Variants in COL18A1 observed in about 807,000 individuals in gnomAD.
COL18A1 encodes the protein collagen alpha-1(XVIII) chain.
COL18A1 carries 133 observed loss-of-function variants against 168.0 expected under a neutral mutation model. The ratio of observed to expected loss-of-function variants is 0.79; its 90% CI spans 0.69 to 0.91. The LOEUF (loss-of-function observed/expected upper bound fraction) is 0.91, where lower values mean the gene tolerates loss of function less well. COL18A1 is among the 40% of genes least tolerant of loss of function. The probability of loss-of-function intolerance (pLI) is 0.00; values close to 1 mark genes in which losing one functional copy is unlikely to be tolerated. For synonymous variants in COL18A1, 949 were observed against 809.0 expected, an observed-to-expected ratio of 1.17 and a Z score of -2.94; for missense variants, 2,126 against 1,925.4, an observed-to-expected ratio of 1.10 and a Z score of -1.95.
intron 22 of COL18A1, 52 bp downstream of exon 22, chr21:45,491,366 T>TCTG: frequency 9.5e-7 from 1 of 1,056,642 alleles, no homozygotes; most frequent in Non-Finnish European, 1.4e-6. Context: ...CCCCACGGGG[T>TCTG]GCAGAGATCC....
chr21:45,429,666 C>T (rs1471719257), intron 2 of COL18A1, among the ~76,000 whole-genome samples: 1 of 152,182 alleles, frequency 6.6e-6, no homozygotes, highest in East Asian at 1.9e-4. Context: ...GACGGTGGAG[C>T]TGGGAGCCTG....
rs2034885197 is a variant in COL18A1, at chr21:45,457,618, C to T, written c.107-10624C>T. Among the ~76,000 whole-genome samples the T allele has an allele frequency of 6.6e-6, 1 of 152,190 alleles. No individual in the cohort carries two copies. On this transcript the variant is annotated intron_variant, in intron 2 of 41. Transcript: ENST00000651438. The surrounding 1 kb of genome is among the most constrained non-coding windows in gnomAD (Gnocchi z 4.6). ...GGCAGGGGCAGCCCAGAAAGGACCC[C>T]AGCAGATCCCTCCTCTGTGTCCGGG...
chr21:45,453,777 A>G (rs73909560), intron 2 of COL18A1, among the ~76,000 whole-genome samples: 1 of 152,096 alleles, frequency 6.6e-6, no homozygotes, highest in Non-Finnish European at 1.5e-5. Context: ...CCATCCTCCA[A>G]GTGTGGCCCC....
rs200572747 is a variant in COL18A1, at chr21:45,452,474, CGT to C, written c.107-15761_107-15760del. ...CGTGTGACATGTGAGCATATATGTA[CGT>C]GTGTGTTTCTGTATGCATGTGTGTA... is the stretch of plus-strand genomic sequence containing the variant. On this transcript the variant is annotated intron_variant, in intron 2 of 41. Transcript: ENST00000651438. Among the ~76,000 whole-genome samples the C allele has an allele frequency of 2.8e-3, 414 of 149,956 alleles. 1 individual carries two copies. The highest frequency in any genetic ancestry group is 7.4e-3 in the African/African-American group (296 of 40,264).
chr21:45,418,427 C>T (rs1231382402), intron 2 of COL18A1, among the ~76,000 whole-genome samples: 1 of 152,130 alleles, frequency 6.6e-6, no homozygotes, highest in Non-Finnish European at 1.5e-5. Context: ...GGTGGTTTCC[C>T]TTGCTTTGTG....
In COL18A1 at chr21:45,498,946, G is replaced by C. The variant is rs553168703; in HGVS notation, c.2683+1285G>C. ...TGAGACCTGTGTATAGGTTTTGGTC[G>C]ACGTGGGATTGCTTGTCCCTGGGAG... is the stretch of plus-strand genomic sequence containing the variant. On this transcript the variant is annotated intron_variant, in intron 32 of 41. Coordinates refer to ENST00000651438, the MANE Select transcript of COL18A1 (RefSeq NM_001379500.1). The surrounding 1 kb of genome is among the most constrained non-coding windows in gnomAD (Gnocchi z 4.5). 2.6e-5 allele frequency among the ~76,000 whole-genome samples: 4 copies of C among 152,316 alleles called. No homozygotes were observed. Among genetic ancestry groups the C allele is most frequent in the Admixed American group, 6.5e-5 (1 of 15,300 alleles).
At chr21:45,436,550 G>A (rs2034102234) in intron 2 of COL18A1, among the ~76,000 whole-genome samples, 1 of 152,156 alleles carries the variant, frequency 6.6e-6, no homozygotes, top group Non-Finnish European at 1.5e-5. Context: ...TGTGCCTCAG[G>A]CCACGTGGAG....
chr21:45,503,624 T>C (rs1173293427), intron 32 of COL18A1, among the ~76,000 whole-genome samples: 3 of 107,430 alleles, frequency 2.8e-5, no homozygotes, highest in East Asian at 2.9e-4. Context: ...CATCACACTC[T>C]GGGGACTGTT....
chr21:45,448,316 G>A (rs1359430645), intron 2 of COL18A1, among the ~76,000 whole-genome samples: 1 of 152,128 alleles, frequency 6.6e-6, no homozygotes, highest in East Asian at 1.9e-4. Context: ...ACATGCACAG[G>A]TATCCATGCG....
At chr21:45,468,156 C>A in intron 2 of COL18A1, 86 bp from the exon 3 acceptor site, 1 of 1,449,376 alleles carries the variant, frequency 6.9e-7, no homozygotes, top group Admixed American at 1.7e-5. Context: ...CCTTTCTGCC[C>A]CTGCCTGGCT....
intron 15 of COL18A1, among the ~76,000 whole-genome samples, chr21:45,485,294 C>T (rs2036071982): frequency 6.6e-6 from 1 of 150,954 alleles, no homozygotes; most frequent in African/African-American, 2.4e-5. Context: ...AGCCACCACA[C>T]TCGGCCTAAA....
At chr21:45,497,869 G>A (rs2036595081) in intron 32 of COL18A1, 5 of 650,410 alleles carry the variant, frequency 7.7e-6, no homozygotes, top group Admixed American at 5.4e-5. Flanking sequence ...CAGGGCACAA[G>A]CCCAGCAAGA....
chr21:45,440,506 C>T (rs1363510340), intron 2 of COL18A1, among the ~76,000 whole-genome samples: 1 of 152,096 alleles, frequency 6.6e-6, no homozygotes, highest in Non-Finnish European at 1.5e-5. Flanking sequence ...AGCCACGTTC[C>T]CCGGAAGCAG....
At position 45,457,113 on chromosome 21, in the gene COL18A1, C is replaced by T. The variant is rs1467793175; in HGVS notation, c.107-11129C>T. The stretch of plus-strand genomic sequence containing the variant: ...AACCGCAGCCGATGTGTCCAGGTGC[C>T]ACCTGGGCCTGGAGCTCCCTGAGCA... On this transcript the variant is annotated intron_variant, in intron 2 of 41. Transcript: ENST00000651438. The surrounding 1 kb of genome is among the most constrained non-coding windows in gnomAD (Gnocchi z 4.6). Among the ~76,000 whole-genome samples the T allele has an allele frequency of 1.3e-5, 2 of 152,138 alleles. No homozygotes were observed. Among genetic ancestry groups the T allele is most frequent in the East Asian group, 3.9e-4 (2 of 5,172 alleles).
chr21:45,477,643 C>A, intron 7 of COL18A1, 107 bp from the exon 8 acceptor site: 1 of 1,308,484 alleles, frequency 7.6e-7, no homozygotes, highest in Non-Finnish European at 1.1e-6. Flanking sequence ...TGCGTGTCCA[C>A]TGTGGGAAGC....
Position 45,510,153 on chromosome 21 carries a change from C to T in COL18A1, c.3585C>T (p.Ala1195=), listed in dbSNP as rs754187633. ...TCCAGTGCTTCCAGCAGGCGCGGGC[C>T]GTGGGGCTGGCGGGCACCTTCCGCG... ...ADFQCFQQAR[A]VGLAGTFRAF... The change falls in exon 40 of 42, where the codon GCC becomes GCT. Residue 1195 remains alanine, a synonymous_variant. Transcript: ENST00000651438. 39 of 1,598,722 alleles carry T rather than the reference C, an allele frequency of 2.4e-5. No individual in the cohort carries two copies. Among genetic ancestry groups the T allele is most frequent in the Middle Eastern group, 1.7e-4 (1 of 5,994 alleles).
chr21:45,435,840 C>T (rs1465936505), intron 2 of COL18A1, among the ~76,000 whole-genome samples: 4 of 152,178 alleles, frequency 2.6e-5, no homozygotes, highest in African/African-American at 7.2e-5. Context: ...CATTCAGGAT[C>T]GTGGGTCTGT....
chr21:45,511,035 C>T (rs1164527162), intron 40 of COL18A1, 76 bp from the exon 41 acceptor site: 4 of 350,970 alleles, frequency 1.1e-5, no homozygotes, highest in East Asian at 1.6e-4. Flanking sequence ...CCCACATCCA[C>T]ACACCCCCCC....
At chr21:45,455,482 C>A in intron 2 of COL18A1, 1 of 1,606,496 alleles carries the variant, frequency 6.2e-7, no homozygotes. Context: ...GCCCCACCTC[C>A]AGGCACAGAG....
Sources: allele counts gnomAD v4.1 joint callset (sites outside exome capture counted in the v4.1 genomes callset), GRCh38; gene constraint gnomAD v4.1.1; non-coding constraint Gnocchi (gnomAD v3.1); transcripts MANE v1.5; gene names NCBI Gene and HGNC (gene_info 2026-07-23, HGNC 2026-07-21).